Variants in KCNH7 observed in about 807,000 individuals in gnomAD.
KCNH7 encodes the protein potassium voltage-gated channel subfamily H member 7, also known as voltage-gated inwardly rectifying potassium channel KCNH7.
Under a neutral mutation model 120.8 loss-of-function variants are expected in KCNH7, and 49 were observed. The ratio of observed to expected loss-of-function variants is 0.41; its 90% CI spans 0.32 to 0.51. KCNH7 has a LOEUF of 0.51. Among genes scored for constraint, KCNH7 ranks in the 20% least tolerant of loss-of-function variants. KCNH7 has a pLI of 0.38. For synonymous variants in KCNH7, 547 were observed against 516.1 expected, an observed-to-expected ratio of 1.06 and a Z score of -0.81; for missense variants, 1,097 against 1,446.6, an observed-to-expected ratio of 0.76 and a Z score of 3.92.
At chr2:162,388,504 A>G (rs551752565) in intron 12 of KCNH7, among the ~76,000 whole-genome samples, 2 of 152,004 alleles carry the variant, frequency 1.3e-5, no homozygotes, top group South Asian at 4.1e-4. Context: ...TTACATGTCA[A>G]TTATACTTCA....
intron 6 of KCNH7, among the ~76,000 whole-genome samples, chr2:162,455,970 T>C (rs1688947610): frequency 6.6e-6 from 1 of 152,156 alleles, no homozygotes; most frequent in African/African-American, 2.4e-5. Context: ...ATTTCTTGTC[T>C]TCTGCTAGCT....
In KCNH7 at chr2:162,698,393, A is replaced by AT. The variant is rs200835146; in HGVS notation, c.307+138143dup. Among the ~76,000 whole-genome samples the AT allele has an allele frequency of 2.1e-4, 32 of 148,868 alleles. No individual in the cohort carries two copies. In the East Asian group the frequency reaches 4.0e-3, roughly 19 times the overall value. On this transcript the variant is annotated intron_variant, in intron 2 of 15. Transcript: ENST00000332142. ...CTTTTCTCTGGGTCAGTGAATGTAT[A>AT]TTTTTTTTGTTTTGTAGGATAACTT...
chr2:162,457,327 G>A (rs1688998928), intron 6 of KCNH7, among the ~76,000 whole-genome samples: 1 of 151,994 alleles, frequency 6.6e-6, no homozygotes, highest in Non-Finnish European at 1.5e-5. Context: ...TCTTTTAAGA[G>A]AGAGAGAAAA....
intron 2 of KCNH7, among the ~76,000 whole-genome samples, chr2:162,734,227 A>AT (rs1687823850): frequency 6.6e-6 from 1 of 152,084 alleles, no homozygotes; most frequent in South Asian, 2.1e-4. Context: ...GATAAAATTT[A>AT]TTTTTTTCCC....
At chr2:162,617,094 A>C (rs1683164144) in intron 2 of KCNH7, among the ~76,000 whole-genome samples, 1 of 152,192 alleles carries the variant, frequency 6.6e-6, no homozygotes, top group Admixed American at 6.5e-5. Flanking sequence ...AGATACAGTA[A>C]GTCATTTAAC....
chr2:162,373,641 A>T lies in KCNH7; in HGVS notation c.3153T>A (p.Thr1051=), dbSNP rs778455344. 3 of 1,528,376 alleles carry T rather than the reference A, an allele frequency of 2.0e-6. No homozygotes were observed. Among genetic ancestry groups the T allele is most frequent in the Non-Finnish European group, 2.6e-6 (3 of 1,135,790 alleles). 94.7% of individuals were successfully genotyped at this position (1,528,376 alleles called of 1,614,324 possible). ...QLNRLESQMT[T]DIQTILQLLQ... is the part of the protein sequence containing the mutation. ...GCAACTGTAAGATGGTCTGGATGTC[A>T]GTGGTCATTTGGGATTCAAGCCTAC... Residue 1051 remains threonine, a synonymous_variant, in exon 15 of 16, where the codon ACT becomes ACA. Transcript: ENST00000332142.
intron 2 of KCNH7, among the ~76,000 whole-genome samples, chr2:162,730,246 T>C (rs1234810804): frequency 6.8e-6 from 1 of 147,638 alleles, no homozygotes; most frequent in Non-Finnish European, 1.5e-5. Flanking sequence ...TGGAAAAGAG[T>C]CAATATTGAA....
intron 11 of KCNH7, 41 bp from the exon 12 acceptor site, chr2:162,394,526 A>G (rs1414201634): frequency 8.8e-7 from 1 of 1,137,478 alleles, no homozygotes; most frequent in Non-Finnish European, 1.3e-6. Context: ...AAGATTACTG[A>G]ATTAGAACAC....
At chr2:162,595,662 G>A (rs1694353312) in intron 2 of KCNH7, among the ~76,000 whole-genome samples, 1 of 151,820 alleles carries the variant, frequency 6.6e-6, no homozygotes, top group South Asian at 2.1e-4. Context: ...TCAGGAACAA[G>A]GCAAGGATAT....
chr2:162,603,290 T>C (rs1003412329), intron 2 of KCNH7, among the ~76,000 whole-genome samples: 1 of 152,036 alleles, frequency 6.6e-6, no homozygotes, highest in Non-Finnish European at 1.5e-5. Flanking sequence ...AAATAAAATA[T>C]GGTGGTTTTT....
At position 162,488,438 on chromosome 2, in the gene KCNH7, A is replaced by T. The variant is rs1016937604; in HGVS notation, c.1128+16005T>A. On this transcript the variant is annotated intron_variant, in intron 6 of 15. Coordinates refer to ENST00000332142, the MANE Select transcript of KCNH7 (RefSeq NM_033272.4). ...AGATACAAAAACTCCTTATCTGAGG[A>T]ATTTAGAAGGTAGCAAAGACCACCA... Among the ~76,000 whole-genome samples the T allele has an allele frequency of 4.6e-5, 7 of 152,306 alleles. No individual in the cohort carries two copies. In the East Asian group the frequency reaches 1.4e-3, roughly 29 times the overall value.
chr2:162,462,179 T>G (rs1689165896), intron 6 of KCNH7, among the ~76,000 whole-genome samples: 2 of 151,988 alleles, frequency 1.3e-5, no homozygotes, highest in South Asian at 2.1e-4. Flanking sequence ...TAATGTACGT[T>G]AAGGAAAAAA....
intron 2 of KCNH7, among the ~76,000 whole-genome samples, chr2:162,563,552 C>G (rs768462472): frequency 6.6e-6 from 1 of 152,002 alleles, no homozygotes; most frequent in African/African-American, 2.4e-5. Context: ...ATAAAGAATG[C>G]CTTTGCAAAT....
intron 5 of KCNH7, among the ~76,000 whole-genome samples, chr2:162,511,735 A>G (rs1691084607): frequency 6.6e-6 from 1 of 151,752 alleles, no homozygotes; most frequent in African/African-American, 2.4e-5. Flanking sequence ...ATCAATATAC[A>G]AAATTGCACA....
chr2:162,558,915 C>T (rs1210184122), intron 2 of KCNH7, among the ~76,000 whole-genome samples: 2 of 151,298 alleles, frequency 1.3e-5, no homozygotes, highest in Non-Finnish European at 3.0e-5. Flanking sequence ...ATTAGCCGGG[C>T]GTTGTGGCAG....
rs549136511 is a variant in KCNH7, at chr2:162,743,877, A to AT, written c.307+92659dup. On this transcript the variant is annotated intron_variant, in intron 2 of 15. Coordinates refer to ENST00000332142, the MANE Select transcript of KCNH7 (RefSeq NM_033272.4). ...AAAGAGAAATAATATATTTTAAAATATTTTTTCATATATAATACTAGTGGG... is the reference window on the plus strand; with the variant it reads ...AAAGAGAAATAATATATTTTAAAATATTTTTTTCATATATAATACTAGTGGG... Among the ~76,000 whole-genome samples, 15 of 152,088 alleles carry AT rather than the reference A, an allele frequency of 9.9e-5. No homozygotes were observed. In the East Asian group the frequency reaches 2.9e-3, roughly 29 times the overall value.
rs185197625 is a variant in KCNH7, at chr2:162,527,714, C to T, written c.463+9211G>A. Among the ~76,000 whole-genome samples the T allele has an allele frequency of 3.6e-3, 552 of 151,942 alleles. 4 individuals are homozygous for T. Among genetic ancestry groups the T allele is most frequent in the African/African-American group, 0.013 (537 of 41,504 alleles). The stretch of plus-strand genomic sequence containing the variant: ...ATTTTAGTAAGCGTAAAAGTAAAAT[C>T]CTCTTTGATTTGGAAAGTGTAATTT... On this transcript the variant is annotated intron_variant, in intron 3 of 15. Coordinates refer to ENST00000332142, the MANE Select transcript of KCNH7 (RefSeq NM_033272.4).
At chr2:162,724,442 G>A (rs923155024) in intron 2 of KCNH7, among the ~76,000 whole-genome samples, 2 of 152,004 alleles carry the variant, frequency 1.3e-5, no homozygotes, top group Non-Finnish European at 2.9e-5. Flanking sequence ...GGAGGCCGAG[G>A]CGGGCGGATC....
chr2:162,372,486 C>A (rs540920736), intron 15 of KCNH7, among the ~76,000 whole-genome samples: 2 of 151,978 alleles, frequency 1.3e-5, no homozygotes, highest in Non-Finnish European at 2.9e-5. Context: ...AAGTAAAATC[C>A]GTCATCCCTA....
Sources: allele counts gnomAD v4.1 joint callset (sites outside exome capture counted in the v4.1 genomes callset), GRCh38; gene constraint gnomAD v4.1.1; transcripts MANE v1.5; gene names NCBI Gene and HGNC (gene_info 2026-07-23, HGNC 2026-07-21).